The following EYS variants were observed in gnomAD, a reference collection of about 807,000 sequenced individuals.
EYS encodes the protein EGF-like photoreceptor maintenance factor.
Under a neutral mutation model 282.1 loss-of-function variants are expected in EYS, and 250 were observed. The observed-to-expected ratio is 0.89, with a 90% CI of 0.80 to 0.98. The LOEUF (loss-of-function observed/expected upper bound fraction) is 0.98, where lower values mean the gene tolerates loss of function less well. Ranked by LOEUF, EYS falls within the 50% of genes least tolerant of loss-of-function variation. The pLI is 0.00. For missense variants in EYS, 4,016 were observed against 3,709.0 expected (o/e 1.08, Z -2.15); for synonymous variants, 1,355 against 1,282.9 (o/e 1.06, Z -1.20).
chr6:64,830,648 G>A (rs34210185), intron 19 of EYS, among the ~76,000 whole-genome samples: 43,014 of 151,750 alleles, frequency 0.28, 6,392 homozygotes, highest in African/African-American at 0.37. Flanking sequence ...ACAGAAATTG[G>A]AGTTCTTCCC....
At chr6:65,260,566 C>A (rs1408474197) in intron 12 of EYS, among the ~76,000 whole-genome samples, 1 of 152,050 alleles carries the variant, frequency 6.6e-6, no homozygotes, top group African/African-American at 2.4e-5. Context: ...AATTATATTA[C>A]ATTATCACTG....
chr6:64,916,692 T>TA (rs928379696), intron 15 of EYS, among the ~76,000 whole-genome samples: 90 of 149,810 alleles, frequency 6.0e-4, no homozygotes, highest in African/African-American at 1.6e-3. Flanking sequence ...CTTTATGGAT[T>TA]AAAAAAAAAA....
In EYS at chr6:63,945,361, T is replaced by C. The variant is rs149017174; in HGVS notation, c.7055+39022A>G. 3.1e-3 allele frequency among the ~76,000 whole-genome samples: 467 copies of C among 152,178 alleles called. 1 individual carries two copies. Among genetic ancestry groups the C allele is most frequent in the Non-Finnish European group, 5.1e-3 (346 of 67,980 alleles). ...GGGGGAAACTGCCCCCATGATCCAATTACCTCCCGCCGGTCCCCTCCCACA... is the reference window on the plus strand; with the variant it reads ...GGGGGAAACTGCCCCCATGATCCAACTACCTCCCGCCGGTCCCCTCCCACA... On this transcript the variant is annotated intron_variant, in intron 35 of 42. Coordinates refer to ENST00000503581, the MANE Select transcript of EYS (RefSeq NM_001142800.2).
intron 12 of EYS, among the ~76,000 whole-genome samples, chr6:65,219,959 C>A (rs1021896560): frequency 1.8e-4 from 28 of 152,052 alleles, no homozygotes; most frequent in African/African-American, 6.8e-4. Context: ...TCCCACAACA[C>A]ATGGGAATTA....
intron 33 of EYS, among the ~76,000 whole-genome samples, chr6:64,027,527 G>A (rs1283948845): frequency 9.9e-5 from 15 of 152,176 alleles, no homozygotes; most frequent in African/African-American, 2.4e-4. Context: ...GAACAGGCCC[G>A]AAAGGAAAAG....
rs552708408 is a variant in EYS, at chr6:64,077,501, A to G, written c.6571+4355T>C. 5.3e-5 allele frequency among the ~76,000 whole-genome samples: 8 copies of G among 152,134 alleles called. No homozygotes were observed. The South Asian group carries it at 1.7e-3, about 32-fold the overall frequency. On this transcript the variant is annotated intron_variant, in intron 32 of 42. Coordinates refer to ENST00000503581, the MANE Select transcript of EYS (RefSeq NM_001142800.2). ...CCCCAATAATTCCACTAGCATGTCA[A>G]TTACTCTTATCTAAGATTGGTCCTT...
intron 22 of EYS, among the ~76,000 whole-genome samples, chr6:64,630,713 A>G (rs914305581): frequency 1.3e-5 from 2 of 152,148 alleles, no homozygotes; most frequent in African/African-American, 2.4e-5. Flanking sequence ...CATGATTTCA[A>G]TTTTAAACTT....
intron 31 of EYS, among the ~76,000 whole-genome samples, chr6:64,154,440 CAAAAAAAAA>C (rs397819570): frequency 0.014 from 823 of 59,514 alleles, 12 homozygotes; most frequent in African/African-American, 0.039. Flanking sequence ...AACTCCGTCT[CAAAAAAAAA>C]AAAAAAAAAA....
At chr6:65,646,918 A>T (rs10806514) in intron 1 of EYS, among the ~76,000 whole-genome samples, 60,707 of 151,846 alleles carry the variant, frequency 0.4, 14,615 homozygotes, top group East Asian at 0.53. Context: ...TTACAATAAC[A>T]GCATAAAAAA....
chr6:64,346,056 G>A (rs955908864), intron 29 of EYS, among the ~76,000 whole-genome samples: 14 of 151,936 alleles, frequency 9.2e-5, no homozygotes, highest in Admixed American at 2.6e-4. Flanking sequence ...GAAACAACAG[G>A]TGCTGGAGAG....
chr6:64,386,041 C>T (rs1431255663), intron 29 of EYS, among the ~76,000 whole-genome samples: 6 of 152,276 alleles, frequency 3.9e-5, no homozygotes, highest in Admixed American at 1.3e-4. Flanking sequence ...ATGGCTTCCA[C>T]CATCTCCTGT....
chr6:64,515,473 A>G (rs1777536018), intron 26 of EYS, among the ~76,000 whole-genome samples: 1 of 151,410 alleles, frequency 6.6e-6, no homozygotes, highest in South Asian at 2.1e-4. Context: ...TGTTAGTACT[A>G]TTAAAACCTT....
At chr6:64,430,583 T>C (rs1383382679) in intron 28 of EYS, among the ~76,000 whole-genome samples, 3 of 152,224 alleles carry the variant, frequency 2.0e-5, no homozygotes, top group Non-Finnish European at 4.4e-5. Context: ...TTGTGTTTAC[T>C]GATTTTTTGC....
chr6:64,975,813 ATTT>A lies in EYS; in HGVS notation c.2259+21766_2259+21768del, dbSNP rs551350591. Among the ~76,000 whole-genome samples the A allele has an allele frequency of 7.9e-5, 12 of 151,960 alleles. No homozygotes were observed. In the South Asian group the frequency reaches 2.3e-3, roughly 29 times the overall value. On this transcript the variant is annotated intron_variant, in intron 14 of 42. Coordinates refer to ENST00000503581, the MANE Select transcript of EYS (RefSeq NM_001142800.2). Reference sequence around the variant, plus strand: ...GGTAATAATTATTTTGAAAATAAACATTTTTATTACATGTTATTGAAAATATAT... The same window carrying A: ...GGTAATAATTATTTTGAAAATAAACATTATTACATGTTATTGAAAATATAT...
intron 31 of EYS, among the ~76,000 whole-genome samples, chr6:64,120,549 G>T (rs1035627039): frequency 6.6e-6 from 1 of 151,786 alleles, no homozygotes; most frequent in African/African-American, 2.4e-5. Flanking sequence ...AAATTCTTTA[G>T]ATTTGAGATA....
At chr6:64,475,393 T>C (rs1438140174) in intron 26 of EYS, among the ~76,000 whole-genome samples, 1 of 120,136 alleles carries the variant, frequency 8.3e-6, no homozygotes, top group Non-Finnish European at 1.8e-5. Context: ...CTACTAAAAA[T>C]ACAAAAAATT....
rs182442862 is a variant in EYS at position 65,177,635 on chromosome 6, A to C, written c.2023+118228T>G. Among the ~76,000 whole-genome samples, 589 of 151,954 alleles carry C rather than the reference A, an allele frequency of 3.9e-3. 1 individual carries two copies. The highest frequency in any genetic ancestry group is 6.8e-3 in the Middle Eastern group (2 of 294). On this transcript the variant is annotated intron_variant, in intron 12 of 42. Coordinates refer to ENST00000503581, the MANE Select transcript of EYS (RefSeq NM_001142800.2). The stretch of plus-strand genomic sequence containing the variant: ...ATATACCCTCACATATACATACATA[A>C]TTATTTTAAGTCTGAATTGCATTCA...
chr6:64,467,454 T>C (rs919306087), intron 26 of EYS, among the ~76,000 whole-genome samples: 5 of 152,198 alleles, frequency 3.3e-5, no homozygotes, highest in African/African-American at 1.2e-4. Context: ...CTCTTGCTTA[T>C]ATGTACTAGG....
intron 26 of EYS, among the ~76,000 whole-genome samples, chr6:64,561,934 A>G (rs1765407170): frequency 6.6e-6 from 1 of 151,406 alleles, no homozygotes; most frequent in African/African-American, 2.4e-5. Context: ...AAAAAAAAAA[A>G]AAAAGAGCTC....
Sources: gnomAD v4.1 joint callset for allele counts (sites outside exome capture counted in the v4.1 genomes callset) on GRCh38, gnomAD v4.1.1 for gene constraint, MANE v1.5 for transcripts, NCBI Gene and HGNC (gene_info 2026-07-23, HGNC 2026-07-21) for gene names.